CFAP77: variants seen among roughly 807,000 people sequenced by gnomAD.
CFAP77 encodes cilia and flagella associated protein 77.
Under a neutral mutation model 31.1 loss-of-function variants are expected in CFAP77, and 25 were observed. The observed-to-expected ratio is 0.80, with a 90% CI of 0.59 to 1.12. CFAP77 has a LOEUF of 1.12. CFAP77 is among the 50% of genes most tolerant of loss of function. The probability of loss-of-function intolerance (pLI) is 0.00; values close to 1 mark genes in which losing one functional copy is unlikely to be tolerated. For synonymous variants in CFAP77, 151 were observed against 159.9 expected, an observed-to-expected ratio of 0.94 and a Z score of 0.42; for missense variants, 377 against 397.3, an observed-to-expected ratio of 0.95 and a Z score of 0.44.
In CFAP77 at chr9:132,475,871, G is replaced by T. The variant is rs542989031; in HGVS notation, c.196-22824G>T. On this transcript the variant is annotated intron_variant, in intron 1 of 5. Coordinates refer to ENST00000393216, the MANE Select transcript of CFAP77 (RefSeq NM_001282957.2). ...AAACTGCAGTACTGATCCTACCATGGCCATGGAACCACAACCATCCCTGGC... is the reference window on the plus strand; with the variant it reads ...AAACTGCAGTACTGATCCTACCATGTCCATGGAACCACAACCATCCCTGGC... Among the ~76,000 whole-genome samples the T allele has an allele frequency of 4.6e-5, 7 of 152,254 alleles. No homozygotes were observed. The East Asian group carries it at 1.4e-3, about 29-fold the overall frequency.
intron 1 of CFAP77, among the ~76,000 whole-genome samples, chr9:132,458,057 T>C (rs1029696332): frequency 1.3e-5 from 2 of 152,196 alleles, no homozygotes; most frequent in Admixed American, 6.5e-5. Flanking sequence ...TCCTATTTTC[T>C]CTGCAGCTCA....
chr9:132,422,529 G>A (rs547712235), intron 1 of CFAP77, among the ~76,000 whole-genome samples: 97 of 152,318 alleles, frequency 6.4e-4, no homozygotes, highest in African/African-American at 2.2e-3. Flanking sequence ...GCGTTCACAT[G>A]AGCAATGGGA....
At chr9:132,521,010 A>T (rs117654645) in intron 3 of CFAP77, among the ~76,000 whole-genome samples, 2,316 of 152,386 alleles carry the variant, frequency 0.015, 32 homozygotes, top group Non-Finnish European at 0.021. Context: ...CTGAAGATTC[A>T]TAAGGAACAG....
intron 1 of CFAP77, among the ~76,000 whole-genome samples, chr9:132,446,991 G>A (rs139732513): frequency 1.0e-3 from 158 of 152,164 alleles, no homozygotes; most frequent in Non-Finnish European, 1.9e-3. Context: ...CTGGGCTCAA[G>A]TGCTTCTCCC....
chr9:132,459,969 C>T (rs1407560492), intron 1 of CFAP77, among the ~76,000 whole-genome samples: 4 of 151,932 alleles, frequency 2.6e-5, no homozygotes, highest in South Asian at 2.1e-4. Flanking sequence ...TGAGCGTGTG[C>T]GTGTATACTT....
intron 5 of CFAP77, among the ~76,000 whole-genome samples, chr9:132,556,868 G>A (rs911816069): frequency 6.6e-6 from 1 of 152,128 alleles, no homozygotes; most frequent in African/African-American, 2.4e-5. Flanking sequence ...CTTTGGCGCT[G>A]GCTGTTTCTT....
At chr9:132,531,263 C>T (rs1446979974) in intron 3 of CFAP77, among the ~76,000 whole-genome samples, 1 of 152,212 alleles carries the variant, frequency 6.6e-6, no homozygotes, top group Non-Finnish European at 1.5e-5. Context: ...CTGAGAGCAG[C>T]ACTGTGCCAG....
chr9:132,477,142 C>G (rs957112931), intron 1 of CFAP77, among the ~76,000 whole-genome samples: 2 of 152,188 alleles, frequency 1.3e-5, no homozygotes, highest in East Asian at 3.8e-4. Context: ...GAGGCACCAA[C>G]AGTGGGGCCA....
chr9:132,502,517 C>T (rs1313978415), intron 3 of CFAP77, among the ~76,000 whole-genome samples: 3 of 152,128 alleles, frequency 2.0e-5, no homozygotes, highest in East Asian at 3.9e-4. Flanking sequence ...ACCCACCATT[C>T]TACTTTCTGT....
intron 1 of CFAP77, among the ~76,000 whole-genome samples, chr9:132,438,346 C>T (rs926301255): frequency 2.0e-5 from 3 of 150,446 alleles, no homozygotes; most frequent in Non-Finnish European, 4.4e-5. Context: ...TTGCAAGATT[C>T]CTGATACTTA....
Position 132,410,407 on chromosome 9 carries a change from G to T in CFAP77, c.136G>T (p.Glu46Ter), listed in dbSNP as rs778724883. Residue 46 changes from glutamate (E) to a stop codon, truncating the protein, a stop_gained, in exon 1 of 6, where the codon GAG (glutamate) becomes TAG (stop). Coordinates refer to ENST00000393216, the MANE Select transcript of CFAP77 (RefSeq NM_001282957.2). LOFTEE classifies it high-confidence loss of function. ...LTVADIRSGM[E>*]NERLGVVRDS... ...CGTGGCGGACATCCGTTCCGGCATG[G>T]AGAACGAGCGGCTGGGGGTCGTGCG... 6 of 1,602,380 alleles carry T rather than the reference G, an allele frequency of 3.7e-6. No individual in the cohort carries two copies. Among genetic ancestry groups the T allele is most frequent in the Non-Finnish European group, 5.1e-6 (6 of 1,175,698 alleles).
At chr9:132,425,756 G>A (rs1850303130) in intron 1 of CFAP77, among the ~76,000 whole-genome samples, 1 of 152,030 alleles carries the variant, frequency 6.6e-6, no homozygotes, top group African/African-American at 2.4e-5. Flanking sequence ...ACATGATATG[G>A]GTACAGATCT....
chr9:132,429,537 C>CAAAA lies in CFAP77; in HGVS notation c.195+19093_195+19096dup, dbSNP rs762588728. On this transcript the variant is annotated intron_variant, in intron 1 of 5. Coordinates refer to ENST00000393216, the MANE Select transcript of CFAP77 (RefSeq NM_001282957.2). ...CAGGTGACAGAACGAGACTTCAACT[C>CAAAA]AAAAAAAAAAAAAAAAAAAAAAAAA... 1.5e-3 allele frequency among the ~76,000 whole-genome samples: 59 copies of CAAAA among 39,460 alleles called. 1 individual carries two copies. Among genetic ancestry groups the CAAAA allele is most frequent in the African/African-American group, 2.0e-3 (21 of 10,374 alleles). 25.9% of individuals were successfully genotyped at this position (39,460 alleles called of 152,430 possible). A position where few individuals can be genotyped will look rare whatever the true frequency, so the allele number is the denominator to read the frequency against.
Position 132,480,630 on chromosome 9 carries a change from A to G in CFAP77, c.196-18065A>G, listed in dbSNP as rs1479442221. Among the ~76,000 whole-genome samples, 1 of 152,218 alleles carries G rather than the reference A, an allele frequency of 6.6e-6. No homozygotes were observed. The highest frequency in any genetic ancestry group is 1.5e-5 in the Non-Finnish European group (1 of 68,040). The stretch of plus-strand genomic sequence containing the variant: ...CCATTTGAATGATCCATTCATCTCA[A>G]AGACGTGGGTCCAGGAAGGAAAATA... On this transcript the variant is annotated intron_variant, in intron 1 of 5. Coordinates refer to ENST00000393216, the MANE Select transcript of CFAP77 (RefSeq NM_001282957.2). This position sits in a 1 kb window ranked among gnomAD's most constrained non-coding sequence, Gnocchi z 5.8.
At chr9:132,456,341 G>A (rs187496147) in intron 1 of CFAP77, among the ~76,000 whole-genome samples, 2 of 152,170 alleles carry the variant, frequency 1.3e-5, no homozygotes, top group Non-Finnish European at 2.9e-5. Flanking sequence ...GCCTTGTCAC[G>A]TGCCTGTGCC....
chr9:132,466,250 A>T (rs1436830801), intron 1 of CFAP77, among the ~76,000 whole-genome samples: 1 of 152,058 alleles, frequency 6.6e-6, no homozygotes, highest in Non-Finnish European at 1.5e-5. Context: ...GCATTTTTTT[A>T]AATGCCCCTT....
At chr9:132,425,355 C>T (rs900108264) in intron 1 of CFAP77, among the ~76,000 whole-genome samples, 2 of 152,128 alleles carry the variant, frequency 1.3e-5, no homozygotes, top group Non-Finnish European at 2.9e-5. Context: ...TCTCCTCCCC[C>T]ACTCCTTTGC....
chr9:132,420,300 A>T (rs558144095), intron 1 of CFAP77, among the ~76,000 whole-genome samples: 2 of 151,996 alleles, frequency 1.3e-5, no homozygotes, highest in East Asian at 3.9e-4. Flanking sequence ...GATGGACTAG[A>T]TTCCACTGGG....
rs1264179821 is a variant in CFAP77, at chr9:132,449,310, CT to C, written c.195+38845del. Reference sequence around the variant, plus strand: ...TACTCCTGGCTGCACTCACCCTCCTCTCCTACTCCTGGCTGCACTCACCCTC... The same window carrying C: ...TACTCCTGGCTGCACTCACCCTCCTCCCTACTCCTGGCTGCACTCACCCTC... On this transcript the variant is annotated intron_variant, in intron 1 of 5. Transcript: ENST00000393216. 6.0e-4 allele frequency among the ~76,000 whole-genome samples: 90 copies of C among 151,150 alleles called. 1 individual carries two copies. Among genetic ancestry groups the C allele is most frequent in the African/African-American group, 2.2e-3 (88 of 40,924 alleles).
Sources: allele counts gnomAD v4.1 joint callset (sites outside exome capture counted in the v4.1 genomes callset), GRCh38; gene constraint gnomAD v4.1.1; non-coding constraint Gnocchi (gnomAD v3.1); transcripts MANE v1.5; gene names NCBI Gene and HGNC (gene_info 2026-07-23, HGNC 2026-07-21).